Variants in NIT1 observed in about 807,000 individuals in gnomAD.
The protein encoded by NIT1 is deaminated glutathione amidase.
Under a neutral mutation model 36.8 loss-of-function variants are expected in NIT1, and 30 were observed. That is an observed-to-expected ratio of 0.82 (90% CI 0.61 to 1.11). NIT1 has a LOEUF of 1.11. NIT1 is among the 50% of genes least tolerant of loss of function. The pLI, the probability that NIT1 is intolerant of heterozygous loss-of-function variation, is 0.00. For missense variants in NIT1, 438 were observed against 410.6 expected (o/e 1.07, Z -0.58); for synonymous variants, 151 against 155.6 (o/e 0.97, Z 0.22).
downstream of NIT1, chr1:161,123,260 A>G: frequency 5.7e-6 from 9 of 1,577,482 alleles, no homozygotes; most frequent in Non-Finnish European, 6.1e-6. Flanking sequence ...ACAGTAGGGT[A>G]AAGGCAGAAA....
At chr1:161,119,453 A>G in intron 3 of NIT1, 56 bp from the exon 4 acceptor site, 2 of 1,613,490 alleles carry the variant, frequency 1.2e-6, no homozygotes, top group Non-Finnish European at 1.7e-6. Flanking sequence ...GTTGCCAGAT[A>G]TGAGGGTAGA....
downstream of NIT1, chr1:161,123,753 A>C: frequency 8.0e-7 from 1 of 1,243,862 alleles, no homozygotes; most frequent in Admixed American, 2.2e-5. Context: ...GCATCCTTTC[A>C]TTTAAGCTGG....
downstream of NIT1, chr1:161,125,178 T>G (rs1656031110): frequency 1.3e-5 from 2 of 152,238 alleles, no homozygotes; most frequent in Non-Finnish European, 2.9e-5. Flanking sequence ...TAACTCCAGA[T>G]TCTCAGTGCT....
In NIT1 at chr1:161,120,357, T is replaced by C. The variant is rs1042939710; in HGVS notation, c.717+125T>C. The C allele has an allele frequency of 2.1e-6, 3 of 1,461,180 alleles. No homozygotes were observed. In the Admixed American group the frequency reaches 5.7e-5, roughly 28 times the overall value. 90.5% of individuals were successfully genotyped at this position (1,461,180 alleles called of 1,614,324 possible). A position where few individuals can be genotyped will look rare whatever the true frequency, so the allele number is the denominator to read the frequency against. On this transcript the variant is annotated intron_variant, in intron 6 of 6. Coordinates refer to ENST00000368009, the MANE Select transcript of NIT1 (RefSeq NM_005600.3). ...AAAACTCATTCCCCAGATATTTCTC[T>C]CATGAATAGTTAAAATAGTAAATCA...
At chr1:161,124,537 AG>A, downstream of NIT1, 1 of 1,537,374 alleles carries the variant, frequency 6.5e-7, no homozygotes, top group Non-Finnish European at 8.8e-7. Flanking sequence ...CTGAAAGGGC[AG>A]GGAAAGAACC....
At position 161,121,074 on chromosome 1, in the gene NIT1, T is replaced by C. The variant is rs1655440947; in HGVS notation, c.*309T>C. Reference sequence around the variant, plus strand: ...ATATAATAATCATAAAGTCTGTGTCTGGACATCGCCTTTGGGAACTAGAAG... The same window carrying C: ...ATATAATAATCATAAAGTCTGTGTCCGGACATCGCCTTTGGGAACTAGAAG... On this transcript the variant is annotated 3_prime_UTR_variant, in exon 7 of 7. Transcript: ENST00000368009. The C allele has an allele frequency of 1.7e-6, 2 of 1,196,238 alleles. No homozygotes were observed. The highest frequency in any genetic ancestry group is 1.9e-5 in the South Asian group (1 of 51,654). 74.1% of individuals were successfully genotyped at this position (1,196,238 alleles called of 1,614,324 possible).
At chr1:161,124,099 A>T (rs750670076), downstream of NIT1, 55 of 1,591,150 alleles carry the variant, frequency 3.5e-5, no homozygotes, top group Non-Finnish European at 4.5e-5. Context: ...CTGGCCTCCC[A>T]CAACTCTTCC....
chr1:161,119,978 G>C (rs768785708), intron 5 of NIT1, 26 bp downstream of exon 5: 15 of 1,604,318 alleles, frequency 9.3e-6, no homozygotes, highest in Non-Finnish European at 1.3e-5. Context: ...GGATGAGGGA[G>C]GGGAACAGGA....
chr1:161,119,192 C>T lies in NIT1; in HGVS notation c.157C>T (p.Gln53Ter), dbSNP rs1459810862. The change falls in exon 3 of 7, where the codon CAG (glutamine) becomes TAG (stop). Residue 53 changes from glutamine to a stop codon, truncating the protein, a stop_gained. Coordinates refer to ENST00000368009, the MANE Select transcript of NIT1 (RefSeq NM_005600.3). LOFTEE classifies it high-confidence loss of function. ...CGAACTGCCCCTGGTGGCTGTGTGC[C>T]AGGTAACATCGACGCCAGACAAGCA... Reference protein sequence around the residue: ...SCELPLVAVCQVTSTPDKQQN... With the variant: ...SCELPLVAVC 6 of 1,614,040 alleles carry T rather than the reference C, an allele frequency of 3.7e-6. No homozygotes were observed. The Admixed American group carries it at 8.3e-5, about 22-fold the overall frequency.
intron 2 of NIT1, 111 bp from the exon 3 acceptor site, chr1:161,119,023 A>C: frequency 6.3e-6 from 9 of 1,437,926 alleles, no homozygotes; most frequent in Non-Finnish European, 7.8e-6. Context: ...GCCCTGTAAG[A>C]GCATGATCAA....
chr1:161,119,526 T>C lies in NIT1; in HGVS notation c.371T>C (p.Leu124Pro), dbSNP rs1655192066. Residue 124 changes from leucine (L) to proline (P), a missense_variant, in exon 4 of 7, where the codon CTG (leucine) becomes CCG (proline). By Grantham distance (98) the Leu-to-Pro change is moderately conservative. Transcript: ENST00000368009. Reference protein sequence around the residue: ...TQLARECGLWLSLGGFHERGQ... With the variant: ...TQLARECGLWPSLGGFHERGQ... ...CCCCCCAGGGAATGTGGACTCTGGC[T>C]GTCCTTGGGTGGTTTCCATGAGCGT... The C allele has an allele frequency of 1.2e-6, 2 of 1,614,178 alleles. No individual in the cohort carries two copies. Among genetic ancestry groups the C allele is most frequent in the African/African-American group, 2.7e-5 (2 of 75,046 alleles).
At chr1:161,124,798 A>G (rs1271479823), downstream of NIT1, 1 of 209,724 alleles carries the variant, frequency 4.8e-6, no homozygotes, top group Non-Finnish European at 9.5e-6. Context: ...CCGTTTCTAC[A>G]AAAAAAGAAA....
downstream of NIT1, chr1:161,123,782 G>T: frequency 6.9e-7 from 1 of 1,440,892 alleles, no homozygotes; most frequent in Non-Finnish European, 9.6e-7. Flanking sequence ...AGAATGTGAT[G>T]GGATCAGTGT....
downstream of NIT1, chr1:161,123,706 G>T: frequency 1.3e-6 from 1 of 748,640 alleles, no homozygotes; most frequent in Non-Finnish European, 2.2e-6. Context: ...CACCTCGCCT[G>T]ATTTTTTTTT....
chr1:161,118,596 C>T, intron 1 of NIT1, 190 bp from the exon 2 acceptor site: 1 of 1,536,052 alleles, frequency 6.5e-7, no homozygotes, highest in Non-Finnish European at 8.7e-7. Context: ...GAGCAGAGCC[C>T]CTTTCTCCAT....
intron 6 of NIT1, 60 bp from the exon 7 acceptor site, chr1:161,120,439 A>G: frequency 6.4e-7 from 1 of 1,570,600 alleles, no homozygotes; most frequent in South Asian, 1.2e-5. Flanking sequence ...AATGTCCCTC[A>G]CCTGTCACTT....
intron 2 of NIT1, 114 bp downstream of exon 2, chr1:161,118,995 C>T: frequency 7.4e-7 from 1 of 1,348,454 alleles, no homozygotes; most frequent in Non-Finnish European, 1.1e-6. Flanking sequence ...GTGAGCCCTA[C>T]TAGCCCTGGG....
chr1:161,122,977 A>G, downstream of NIT1: 1 of 1,611,038 alleles, frequency 6.2e-7, no homozygotes, highest in Non-Finnish European at 8.5e-7. This position sits in a 1 kb window ranked among gnomAD's most constrained non-coding sequence, Gnocchi z 4.2. Context: ...AATCAAAGTG[A>G]ATCTCACACT....
In NIT1 at chr1:161,119,552, G is replaced by A; in HGVS notation, c.397G>A (p.Gly133Ser). 6.2e-7 allele frequency: 1 copy of A among 1,614,160 alleles called. No homozygotes were observed. Among genetic ancestry groups the A allele is most frequent in the Non-Finnish European group, 8.5e-7 (1 of 1,180,018 alleles). ...WLSLGGFHER[G>S]QDWEQTQKIY... is the part of the protein sequence containing the mutation. ...GTCCTTGGGTGGTTTCCATGAGCGT[G>A]GCCAAGACTGGGAGCAGACTCAGAA... is the stretch of plus-strand genomic sequence containing the variant. The change falls in exon 4 of 7, where the codon GGC becomes AGC. Residue 133 changes from glycine to serine, a missense_variant. Transcript: ENST00000368009.
Sources: gnomAD v4.1 joint callset for allele counts on GRCh38, gnomAD v4.1.1 for gene constraint, Gnocchi (gnomAD v3.1) non-coding constraint, MANE v1.5 for transcripts, NCBI Gene and HGNC (gene_info 2026-07-23, HGNC 2026-07-21) for gene names.